Variants in CPNE4 observed in about 807,000 individuals in gnomAD.
CPNE4 encodes copine-4.
A neutral mutation model predicts 67.9 loss-of-function variants in CPNE4; 25 were observed. That is an observed-to-expected ratio of 0.37 (90% CI 0.27 to 0.51). CPNE4 has a LOEUF of 0.51. Ranked by LOEUF, CPNE4 falls within the 20% of genes least tolerant of loss-of-function variation. CPNE4 has a pLI of 0.93. For synonymous variants in CPNE4, 242 were observed against 244.9 expected, an observed-to-expected ratio of 0.99 and a Z score of 0.11; for missense variants, 464 against 690.8, an observed-to-expected ratio of 0.67 and a Z score of 3.68.
intron 2 of CPNE4, among the ~76,000 whole-genome samples, chr3:131,773,338 T>G (rs1560281780): frequency 1.5e-5 from 2 of 130,012 alleles, no homozygotes; most frequent in Non-Finnish European, 3.3e-5. Context: ...TGATTATTAA[T>G]GAAGTTTTAT....
intron 1 of CPNE4, among the ~76,000 whole-genome samples, chr3:131,923,704 C>CAAAAAAAAAAAAAAAAAAAAA (rs3041574): frequency 2.5e-5 from 1 of 39,288 alleles, no homozygotes; most frequent in Non-Finnish European, 4.1e-5. Context: ...GACTCCGTCT[C>CAAAAAAAAAAAAAAAAAAAAA]AAAAAAAAAA....
intron 1 of CPNE4, among the ~76,000 whole-genome samples, chr3:131,974,792 G>C (rs199915245): frequency 6.6e-6 from 1 of 152,142 alleles, no homozygotes; most frequent in East Asian, 1.9e-4. Context: ...TGGATTGCTT[G>C]AGCTCAGGAG....
chr3:131,816,333 C>A (rs1037444084), intron 2 of CPNE4, among the ~76,000 whole-genome samples: 1 of 152,086 alleles, frequency 6.6e-6, no homozygotes, highest in South Asian at 2.1e-4. Context: ...TTTATATCTT[C>A]TTTTTATTGT....
At chr3:131,706,526 C>A (rs1330126294) in intron 3 of CPNE4, among the ~76,000 whole-genome samples, 1 of 152,160 alleles carries the variant, frequency 6.6e-6, no homozygotes, top group African/African-American at 2.4e-5. Context: ...TGAATGGATT[C>A]CTCCTCTTGG....
At chr3:131,920,826 C>T (rs2070722713) in intron 1 of CPNE4, among the ~76,000 whole-genome samples, 3 of 152,106 alleles carry the variant, frequency 2.0e-5, no homozygotes, top group Non-Finnish European at 4.4e-5. Context: ...GGGTGTAAGA[C>T]TCCAAGCATT....
intron 3 of CPNE4, among the ~76,000 whole-genome samples, chr3:131,706,155 C>T (rs1441318442): frequency 2.6e-5 from 4 of 152,284 alleles, no homozygotes; most frequent in Non-Finnish European, 4.4e-5. Context: ...TGAATGTTAG[C>T]AGTTCATAGG....
At chr3:131,806,426 T>C (rs964927057) in intron 2 of CPNE4, among the ~76,000 whole-genome samples, 1 of 150,982 alleles carries the variant, frequency 6.6e-6, no homozygotes, top group Non-Finnish European at 1.5e-5. Context: ...GGCGGGCGCC[T>C]GTAATCCCAG....
At chr3:131,991,046 C>T (rs190331254) in intron 1 of CPNE4, among the ~76,000 whole-genome samples, 1 of 136,596 alleles carries the variant, frequency 7.3e-6, no homozygotes, top group East Asian at 2.3e-4. Flanking sequence ...CCTCCTTCCC[C>T]ATGCCGAACT....
chr3:131,548,756 C>T (rs761427261), intron 14 of CPNE4, among the ~76,000 whole-genome samples: 8 of 152,060 alleles, frequency 5.3e-5, no homozygotes, highest in Non-Finnish European at 1.2e-4. Context: ...AGATTAGATC[C>T]TATAATGTCT....
chr3:131,895,137 T>TA (rs1162590260), intron 2 of CPNE4, among the ~76,000 whole-genome samples: 1 of 152,028 alleles, frequency 6.6e-6, no homozygotes, highest in African/African-American at 2.4e-5. Flanking sequence ...ATCTTACTTA[T>TA]ATGTAGAATC....
At chr3:131,799,977 C>T (rs1271621377) in intron 2 of CPNE4, among the ~76,000 whole-genome samples, 2 of 147,994 alleles carry the variant, frequency 1.4e-5, no homozygotes, top group Non-Finnish European at 3.0e-5. Context: ...TCTCTTTCTC[C>T]CACAAACCTT....
intron 3 of CPNE4, among the ~76,000 whole-genome samples, chr3:131,718,416 A>C (rs911606471): frequency 6.6e-6 from 1 of 152,152 alleles, no homozygotes; most frequent in Non-Finnish European, 1.5e-5. Flanking sequence ...TTTCTTTTCT[A>C]TCTGGCATCC....
At chr3:131,770,023 G>A (rs1183401165) in intron 2 of CPNE4, among the ~76,000 whole-genome samples, 1 of 152,120 alleles carries the variant, frequency 6.6e-6, no homozygotes, top group Non-Finnish European at 1.5e-5. Context: ...AAAAAAGCAA[G>A]AACCTCAACC....
chr3:131,650,569 C>A (rs1310139218), intron 7 of CPNE4, among the ~76,000 whole-genome samples: 1 of 143,090 alleles, frequency 7.0e-6, no homozygotes, highest in Non-Finnish European at 1.5e-5. Context: ...CACGGTGAAA[C>A]CCCGTCTCTA....
At chr3:131,780,556 C>T (rs901279123) in intron 2 of CPNE4, among the ~76,000 whole-genome samples, 1 of 151,974 alleles carries the variant, frequency 6.6e-6, no homozygotes, top group Admixed American at 6.6e-5. Context: ...GGCCGTTATC[C>T]GAAGCAAATT....
intron 3 of CPNE4, among the ~76,000 whole-genome samples, chr3:131,708,189 A>G (rs2081460954): frequency 6.6e-6 from 1 of 152,018 alleles, no homozygotes; most frequent in East Asian, 1.9e-4. Context: ...GGGCTGTGGG[A>G]TAGAGAGTGA....
intron 2 of CPNE4, among the ~76,000 whole-genome samples, chr3:131,790,837 TG>T (rs2083698383): frequency 6.6e-6 from 1 of 152,150 alleles, no homozygotes; most frequent in Non-Finnish European, 1.5e-5. Context: ...ACCTTCCTTT[TG>T]CCCCTTCAAA....
At chr3:132,039,379 G>T (rs2074379667), upstream of CPNE4, 1 of 152,166 alleles carries the variant, frequency 6.6e-6, no homozygotes, top group Admixed American at 6.5e-5. Context: ...AGGAACCTGG[G>T]GCTTTGATAT....
intron 3 of CPNE4, among the ~76,000 whole-genome samples, chr3:131,715,631 C>T (rs916806856): frequency 6.6e-6 from 1 of 152,204 alleles, no homozygotes; most frequent in Non-Finnish European, 1.5e-5. Context: ...ATAGCAACAG[C>T]TTCACCCAGT....
Sources: gnomAD v4.1 joint callset for allele counts (sites outside exome capture counted in the v4.1 genomes callset) on GRCh38, gnomAD v4.1.1 for gene constraint, MANE v1.5 for transcripts, NCBI Gene and HGNC (gene_info 2026-07-23, HGNC 2026-07-21) for gene names.